MACROD2: variants seen among roughly 807,000 people sequenced by gnomAD.
The protein encoded by MACROD2 is mono-ADP ribosylhydrolase 2.
In MACROD2, 36 loss-of-function variants were observed where a neutral mutation model predicts 70.4. That is an observed-to-expected ratio of 0.51 (90% CI 0.39 to 0.68). MACROD2 has a LOEUF of 0.68. Ranked by LOEUF, MACROD2 falls within the 30% of genes least tolerant of loss-of-function variation. MACROD2 has a pLI of 0.00. For missense variants in MACROD2, 496 were observed against 538.4 expected (o/e 0.92, Z 0.78); for synonymous variants, 172 against 178.8 (o/e 0.96, Z 0.30).
intron 5 of MACROD2, among the ~76,000 whole-genome samples, chr20:14,864,430 T>A (rs532137314): frequency 7.9e-5 from 12 of 152,270 alleles, no homozygotes; most frequent in Admixed American, 2.0e-4. Context: ...TAAATTTTTT[T>A]ATACTGTAAA....
intron 8 of MACROD2, among the ~76,000 whole-genome samples, chr20:15,716,858 G>A (rs2050715060): frequency 6.6e-6 from 1 of 152,172 alleles, no homozygotes; most frequent in Non-Finnish European, 1.5e-5. Flanking sequence ...ACTGAAAGGT[G>A]TAATGGGAAA....
intron 5 of MACROD2, among the ~76,000 whole-genome samples, chr20:14,990,217 A>G (rs941764529): frequency 2.6e-5 from 4 of 152,070 alleles, no homozygotes; most frequent in Non-Finnish European, 5.9e-5. Context: ...TGGAAATGTG[A>G]TCAGCCTCAT....
intron 2 of MACROD2, among the ~76,000 whole-genome samples, chr20:14,037,772 T>C (rs1395605727): frequency 6.6e-6 from 1 of 152,020 alleles, no homozygotes; most frequent in Non-Finnish European, 1.5e-5. Context: ...CTCCAGCACC[T>C]TGGGAGGAGG....
At chr20:15,908,669 C>T (rs1455085775) in intron 10 of MACROD2, among the ~76,000 whole-genome samples, 1 of 152,078 alleles carries the variant, frequency 6.6e-6, no homozygotes, top group Non-Finnish European at 1.5e-5. Context: ...TCTTTTATTT[C>T]TTACTCAGCA....
At chr20:15,390,687 T>C (rs938993781) in intron 6 of MACROD2, among the ~76,000 whole-genome samples, 7 of 152,192 alleles carry the variant, frequency 4.6e-5, no homozygotes, top group Admixed American at 4.6e-4. Context: ...TTCCAACTTT[T>C]ACTAAGCATT....
intron 8 of MACROD2, among the ~76,000 whole-genome samples, chr20:15,544,027 C>A (rs2047993133): frequency 6.6e-6 from 1 of 152,138 alleles, no homozygotes. Flanking sequence ...GGGGAGGTGA[C>A]TCTCACACTG....
At chr20:15,006,334 T>C (rs1002604058) in intron 5 of MACROD2, among the ~76,000 whole-genome samples, 2 of 151,210 alleles carry the variant, frequency 1.3e-5, no homozygotes, top group South Asian at 4.2e-4. Context: ...AATAGAAAGG[T>C]GGTTATGGGG....
chr20:14,974,504 T>C (rs1278702802), intron 5 of MACROD2, among the ~76,000 whole-genome samples: 2 of 152,130 alleles, frequency 1.3e-5, no homozygotes, highest in African/African-American at 4.8e-5. Flanking sequence ...CCACAAAGGA[T>C]AGTGCAGTAT....
intron 8 of MACROD2, among the ~76,000 whole-genome samples, chr20:15,857,052 C>T (rs74880851): frequency 0.041 from 6,214 of 152,216 alleles, 275 homozygotes; most frequent in East Asian, 0.21. Flanking sequence ...ATTACATCAG[C>T]TGGAGTTAAG....
At chr20:15,696,469 C>T (rs977129716) in intron 8 of MACROD2, among the ~76,000 whole-genome samples, 5 of 152,024 alleles carry the variant, frequency 3.3e-5, no homozygotes, top group African/African-American at 9.7e-5. Context: ...AGGATTTTAG[C>T]GTCTATGTTC....
intron 4 of MACROD2, among the ~76,000 whole-genome samples, chr20:14,546,957 A>T (rs1387098502): frequency 6.6e-6 from 1 of 151,932 alleles, no homozygotes; most frequent in African/African-American, 2.4e-5. Context: ...ATACAATTAT[A>T]TTTTTAAACG....
At chr20:14,726,972 T>C (rs1487790624) in intron 5 of MACROD2, among the ~76,000 whole-genome samples, 1 of 152,200 alleles carries the variant, frequency 6.6e-6, no homozygotes, top group African/African-American at 2.4e-5. Flanking sequence ...TATTTATAAT[T>C]GAAAAAATTT....
chr20:14,848,564 G>A (rs905515198), intron 5 of MACROD2, among the ~76,000 whole-genome samples: 1 of 152,160 alleles, frequency 6.6e-6, no homozygotes, highest in African/African-American at 2.4e-5. Flanking sequence ...AAGCAGGGCC[G>A]GAATTTGAAT....
In MACROD2 at chr20:14,816,330, G is replaced by A. The variant is rs189759210; in HGVS notation, c.418+131371G>A. Among the ~76,000 whole-genome samples the A allele has an allele frequency of 5.3e-4, 80 of 151,966 alleles. 2 individuals are homozygous for A. The highest frequency in any genetic ancestry group is 1.9e-3 in the Admixed American group (29 of 15,242). ...TATTTCTATTTTTAACTTTATAATA[G>A]CAAAAATGTTGTTTAAGAAGTAAAT... On this transcript the variant is annotated intron_variant, in intron 5 of 17. Coordinates refer to ENST00000684519, the MANE Select transcript of MACROD2 (RefSeq NM_001351661.2).
intron 8 of MACROD2, among the ~76,000 whole-genome samples, chr20:15,547,082 C>G (rs1254154448): frequency 6.6e-6 from 1 of 152,148 alleles, no homozygotes; most frequent in African/African-American, 2.4e-5. Context: ...AATTTCAAAC[C>G]CCAGCAATTG....
chr20:15,260,613 C>G (rs929882531), intron 6 of MACROD2, among the ~76,000 whole-genome samples: 4 of 151,812 alleles, frequency 2.6e-5, no homozygotes, highest in African/African-American at 9.7e-5. Context: ...GTATCCTTTC[C>G]TTTGATTATA....
intron 3 of MACROD2, among the ~76,000 whole-genome samples, chr20:14,409,750 A>G (rs574766272): frequency 3.3e-5 from 5 of 152,212 alleles, no homozygotes; most frequent in African/African-American, 1.2e-4. Flanking sequence ...TATAAACGTG[A>G]GGCTTAGTGT....
chr20:14,542,529 C>T (rs2085447153), intron 4 of MACROD2, among the ~76,000 whole-genome samples: 1 of 152,112 alleles, frequency 6.6e-6, no homozygotes, highest in African/African-American at 2.4e-5. Flanking sequence ...TGAATGAATA[C>T]TTAACATTTG....
chr20:15,220,996 A>C (rs2076855879), intron 5 of MACROD2, among the ~76,000 whole-genome samples: 1 of 152,220 alleles, frequency 6.6e-6, no homozygotes, highest in Non-Finnish European at 1.5e-5. Context: ...GCTGACGACA[A>C]GCACATGCAA....
Sources: gnomAD v4.1 joint callset for allele counts (sites outside exome capture counted in the v4.1 genomes callset) on GRCh38, gnomAD v4.1.1 for gene constraint, MANE v1.5 for transcripts, NCBI Gene and HGNC (gene_info 2026-07-23, HGNC 2026-07-21) for gene names.